EPHA10: variants seen among roughly 807,000 people sequenced by gnomAD.
EPHA10 encodes the protein EPH receptor A10.
EPHA10 carries 120 observed loss-of-function variants against 109.7 expected under a neutral mutation model. The observed-to-expected ratio is 1.09, with a 90% CI of 0.94 to 1.27. The LOEUF is 1.27. Ranked by LOEUF, EPHA10 falls within the 50% of genes most tolerant of loss-of-function variation. The pLI is 0.00. For missense variants in EPHA10, 1,396 were observed against 1,411.1 expected (o/e 0.99, Z 0.17); for synonymous variants, 640 against 618.9 (o/e 1.03, Z -0.51).
intron 3 of EPHA10, among the ~76,000 whole-genome samples, chr1:37,759,515 A>G (rs1342807123): frequency 6.6e-6 from 1 of 152,114 alleles, no homozygotes; most frequent in Non-Finnish European, 1.5e-5. Context: ...TATGTTTCAC[A>G]CCCTATAGTA....
chr1:37,761,956 C>G lies in EPHA10; in HGVS notation c.299G>C (p.Arg100Pro). The part of the protein sequence containing the change: ...TGWISRGRGQ[R>P]IFVELQFTLR... ...TGTGAACTGCAGTTCCACGAAGATG[C>G]GCTGCCCGCGGCCACGGCTTATCCA... Residue 100 changes from arginine (R) to proline (P), a missense_variant, in exon 3 of 17, where the codon CGC (arginine) becomes CCC (proline). Coordinates refer to ENST00000373048, the MANE Select transcript of EPHA10 (RefSeq NM_001099439.2). 6.2e-7 allele frequency: 1 copy of G among 1,614,114 alleles called. No individual in the cohort carries two copies. The highest frequency in any genetic ancestry group is 8.5e-7 in the Non-Finnish European group (1 of 1,180,000).
Position 37,716,146 on chromosome 1 carries a change from C to T in EPHA10, c.*2226G>A. ...GAACAAGTTCCATATAAAAATAGAT[C>T]TGTAGAGGGTTCCCAGAGAGCCATC... On this transcript the variant is annotated 3_prime_UTR_variant, in exon 17 of 17. Coordinates refer to ENST00000373048, the MANE Select transcript of EPHA10 (RefSeq NM_001099439.2). The T allele has an allele frequency of 2.3e-6, 1 of 426,192 alleles. No homozygotes were observed. Among genetic ancestry groups the T allele is most frequent in the East Asian group, 4.2e-5 (1 of 23,822 alleles). 26.4% of individuals were successfully genotyped at this position (426,192 alleles called of 1,614,324 possible). A position where few individuals can be genotyped will look rare whatever the true frequency, so the allele number is the denominator to read the frequency against.
At chr1:37,737,782 C>T (rs113316981) in intron 5 of EPHA10, among the ~76,000 whole-genome samples, 3 of 152,154 alleles carry the variant, frequency 2.0e-5, no homozygotes, top group Admixed American at 6.6e-5. Context: ...AACTTTAAAA[C>T]TTCTGCAGGG....
chr1:37,762,063 C>T lies in EPHA10; in HGVS notation c.192G>A (p.Val64=). Residue 64 remains valine, a synonymous_variant, in exon 3 of 17, where the codon GTG becomes GTA. Transcript: ENST00000373048. ...TGCGGATGGGACGGTCGTGTTCATC[C>T]ACGCCGCTGATCTCCTCCCACTGGG... ...PSNGWEEISG[V]DEHDRPIRTY... is the part of the protein sequence containing the mutation. 3 of 1,593,504 alleles carry T rather than the reference C, an allele frequency of 1.9e-6. No homozygotes were observed. Among genetic ancestry groups the T allele is most frequent in the Non-Finnish European group, 2.6e-6 (3 of 1,167,858 alleles).
At chr1:37,736,293 T>A (rs907672645) in intron 5 of EPHA10, among the ~76,000 whole-genome samples, 1 of 151,968 alleles carries the variant, frequency 6.6e-6, no homozygotes, top group Admixed American at 6.6e-5. Flanking sequence ...CCTGATCAAA[T>A]GGTGAAACCC....
Position 37,762,855 on chromosome 1 carries a change from G to A in EPHA10, c.107-6C>T, listed in dbSNP as rs1324681303. The A allele has an allele frequency of 1.3e-6, 2 of 1,551,060 alleles. No individual in the cohort carries two copies. Among genetic ancestry groups the A allele is most frequent in the Admixed American group, 2.0e-5 (1 of 50,862 alleles). ...TTTGGAATCCAGGAGGATAACTAAG[G>A]AGAGGGGAAGACAGAAATATCAGAA... On this transcript the variant is annotated splice_region_variant and splice_polypyrimidine_tract_variant and intron_variant, in intron 1 of 16. Coordinates refer to ENST00000373048, the MANE Select transcript of EPHA10 (RefSeq NM_001099439.2).
rs66804054 is a variant in EPHA10 at position 37,739,688 on chromosome 1, CAAAAA to C, written c.1358-4303_1358-4299del. 9.9e-4 allele frequency among the ~76,000 whole-genome samples: 76 copies of C among 76,636 alleles called. 1 individual carries two copies. The highest frequency in any genetic ancestry group is 1.3e-3 in the Non-Finnish European group (52 of 41,236). The allele number at this position is 76,636 out of a possible 152,430, so 50.3% of individuals were successfully genotyped here. A position where few individuals can be genotyped will look rare whatever the true frequency, so the allele number is the denominator to read the frequency against. Reference sequence around the variant, plus strand: ...TGGTTGATAGAGTGAGACCCTGTCTCAAAAAAAAAAAAAAAAAAAAAAAGGAAGTA... The same window carrying C: ...TGGTTGATAGAGTGAGACCCTGTCTCAAAAAAAAAAAAAAAAAAGGAAGTA... On this transcript the variant is annotated intron_variant, in intron 5 of 16. Coordinates refer to ENST00000373048, the MANE Select transcript of EPHA10 (RefSeq NM_001099439.2).
intron 5 of EPHA10, among the ~76,000 whole-genome samples, chr1:37,739,060 T>C (rs944110010): frequency 1.3e-5 from 2 of 151,652 alleles, no homozygotes; most frequent in Non-Finnish European, 2.9e-5. Context: ...AAACGACGAG[T>C]TGATGGGTGC....
intron 7 of EPHA10, among the ~76,000 whole-genome samples, chr1:37,729,092 C>G (rs1168145249): frequency 6.6e-6 from 1 of 152,160 alleles, no homozygotes; most frequent in Non-Finnish European, 1.5e-5. Flanking sequence ...GGCTCACAGT[C>G]TCTGGAAGAA....
chr1:37,757,676 T>C (rs981962554), intron 3 of EPHA10, among the ~76,000 whole-genome samples: 14 of 152,120 alleles, frequency 9.2e-5, no homozygotes, highest in Non-Finnish European at 1.6e-4. Context: ...TTTCTCTCTC[T>C]CTCTCTTTCT....
chr1:37,733,954 A>G (rs1646029290), intron 6 of EPHA10, among the ~76,000 whole-genome samples: 1 of 152,092 alleles, frequency 6.6e-6, no homozygotes, highest in Non-Finnish European at 1.5e-5. Context: ...CTTCCACCTC[A>G]GTGCTTCTCC....
At position 37,753,061 on chromosome 1, in the gene EPHA10, G is replaced by C; in HGVS notation, c.1172C>G (p.Pro391Arg). The C allele has an allele frequency of 7.9e-7, 1 of 1,259,846 alleles. No individual in the cohort carries two copies. Among genetic ancestry groups the C allele is most frequent in the South Asian group, 2.6e-5 (1 of 39,104 alleles). The allele number at this position is 1,259,846 out of a possible 1,614,324, so 78.0% of individuals were successfully genotyped here. A position where few individuals can be genotyped will look rare whatever the true frequency, so the allele number is the denominator to read the frequency against. ...TAGGAAGGCCACGCGCGGCCCGCACGGCTCGCAGGCGCCCGCCGGGCCCTC... is the reference window on the plus strand; with the variant it reads ...TAGGAAGGCCACGCGCGGCCCGCACCGCTCGCAGGCGCCCGCCGGGCCCTC... ...GREGPAGACEPCGPRVAFLPR... is the reference protein window; with the variant it reads ...GREGPAGACERCGPRVAFLPR... Residue 391 changes from proline to arginine, a missense_variant, in exon 5 of 17, where the codon CCG (proline) becomes CGG (arginine). By Grantham distance (103) the Pro-to-Arg change is moderately radical. Coordinates refer to ENST00000373048, the MANE Select transcript of EPHA10 (RefSeq NM_001099439.2).
At chr1:37,732,968 T>C (rs1381422084) in intron 6 of EPHA10, among the ~76,000 whole-genome samples, 1 of 129,210 alleles carries the variant, frequency 7.7e-6, no homozygotes, top group Non-Finnish European at 1.6e-5. Context: ...CTCGGCTCAC[T>C]GCAACCTCCA....
intron 5 of EPHA10, among the ~76,000 whole-genome samples, chr1:37,738,291 T>A (rs1423729798): frequency 6.6e-6 from 1 of 151,916 alleles, no homozygotes; most frequent in Non-Finnish European, 1.5e-5. Flanking sequence ...TGTTTGAACC[T>A]GGGAGGCAGA....
chr1:37,765,029 A>C lies in EPHA10; in HGVS notation c.38T>G (p.Phe13Cys). 6.2e-7 allele frequency: 1 copy of C among 1,610,044 alleles called. No homozygotes were observed. The highest frequency in any genetic ancestry group is 8.5e-7 in the Non-Finnish European group (1 of 1,179,238). ...GAGACAGAGCTGCATCCGGCAGAGG[A>C]AGAGGCGCAGCGGGTGTGGACCGGC... Reference protein sequence around the residue: ...TCAGPHPLRLFLCRMQLCLAL... With the variant: ...TCAGPHPLRLCLCRMQLCLAL... The change falls in exon 1 of 17, where the codon TTC (phenylalanine) becomes TGC (cysteine). Residue 13 changes from phenylalanine to cysteine, a missense_variant. Physicochemically the swap from Phe to Cys is radical, Grantham distance 205. Coordinates refer to ENST00000373048, the MANE Select transcript of EPHA10 (RefSeq NM_001099439.2).
intron 1 of EPHA10, among the ~76,000 whole-genome samples, chr1:37,763,658 C>T (rs372784016): frequency 0.012 from 1,326 of 111,562 alleles, 16 homozygotes; most frequent in African/African-American, 0.038. Flanking sequence ...AGCTAAGAGT[C>T]AATTAGAGAG....
Position 37,761,386 on chromosome 1 carries a change from C to T in EPHA10, c.850+19G>A, listed in dbSNP as rs2148370821. The stretch of plus-strand genomic sequence containing the variant: ...TACGCTCTACACTCCCACCCCACGG[C>T]CCCCAGCCAACTGGATACCTTCGCA... On this transcript the variant is annotated intron_variant, in intron 3 of 16. Coordinates refer to ENST00000373048, the MANE Select transcript of EPHA10 (RefSeq NM_001099439.2). 1 of 1,599,084 alleles carries T rather than the reference C, an allele frequency of 6.3e-7. No homozygotes were observed. Among genetic ancestry groups the T allele is most frequent in the Non-Finnish European group, 8.5e-7 (1 of 1,179,592 alleles).
chr1:37,728,487 A>G (rs1645930727), intron 7 of EPHA10, among the ~76,000 whole-genome samples: 1 of 152,146 alleles, frequency 6.6e-6, no homozygotes, highest in African/African-American at 2.4e-5. Flanking sequence ...CTGAACTGAG[A>G]TTGGAAAGTA....
rs775024163 is a variant in EPHA10 at position 37,721,659 on chromosome 1, C to T, written c.2146+1G>A. ...AGCAGGAAGGGAGCACCGGGCCCTA[C>T]CTCGGGTAACAACGCCCTCCAGCCG... On this transcript the variant is annotated splice_donor_variant, in intron 11 of 16. Transcript: ENST00000373048. LOFTEE classifies it high-confidence loss of function. 4.4e-6 allele frequency: 7 copies of T among 1,601,898 alleles called. No individual in the cohort carries two copies. The highest frequency in any genetic ancestry group is 6.0e-6 in the Non-Finnish European group (7 of 1,173,592).
Sources: allele counts gnomAD v4.1 joint callset (sites outside exome capture counted in the v4.1 genomes callset), GRCh38; gene constraint gnomAD v4.1.1; transcripts MANE v1.5; gene names NCBI Gene and HGNC (gene_info 2026-07-23, HGNC 2026-07-21).